DPYSL5: variants seen among roughly 807,000 people sequenced by gnomAD.
DPYSL5 encodes the protein dihydropyrimidinase like 5, also known as dihydropyrimidinase-related protein 5.
In DPYSL5, 9 loss-of-function variants were observed where a neutral mutation model predicts 58.4. The ratio of observed to expected loss-of-function variants is 0.15; its 90% CI spans 0.09 to 0.27. The LOEUF (loss-of-function observed/expected upper bound fraction) is 0.27, where lower values mean the gene tolerates loss of function less well. DPYSL5 is among the 10% of genes least tolerant of loss of function. DPYSL5 has a pLI of 1.00. For missense variants in DPYSL5, 499 were observed against 770.6 expected, an observed-to-expected ratio of 0.65 and a Z score of 4.17; for synonymous variants, 293 against 301.9, an observed-to-expected ratio of 0.97 and a Z score of 0.31.
At chr2:26,854,907 C>T (rs940395422) in intron 1 of DPYSL5, among the ~76,000 whole-genome samples, 6 of 151,928 alleles carry the variant, frequency 3.9e-5, no homozygotes, top group Non-Finnish European at 7.4e-5. Flanking sequence ...CAACCTCTGC[C>T]TCCCGGTTCA....
At chr2:26,923,291 A>G (rs1341166030) in intron 2 of DPYSL5, among the ~76,000 whole-genome samples, 2 of 152,212 alleles carry the variant, frequency 1.3e-5, no homozygotes, top group African/African-American at 4.8e-5. Flanking sequence ...TGATTGCACC[A>G]CTGTACTCCA....
In DPYSL5 at chr2:26,930,773, G is replaced by A. The variant is rs543934626; in HGVS notation, c.670-867G>A. 7.2e-5 allele frequency among the ~76,000 whole-genome samples: 11 copies of A among 152,256 alleles called. No individual in the cohort carries two copies. In the South Asian group the frequency reaches 2.3e-3, roughly 32 times the overall value. On this transcript the variant is annotated intron_variant, in intron 5 of 12. Transcript: ENST00000288699. The stretch of plus-strand genomic sequence containing the variant: ...GCAGATCACGAGGTCAGGAGATCGA[G>A]ACCATCCTGGCTAACATGGTGAAAT...
chr2:26,928,323 G>A lies in DPYSL5; in HGVS notation c.669G>A (p.Glu223=). ...PEGIEISRPE[E]LEAEATHRVI... ...GAATCGAGATCAGCCGTCCAGAGGA[G>A]GTGAGAAACACTTCCTGTAGCCTTT... The change falls in exon 5 of 13, where the codon GAG becomes GAA. Residue 223 remains glutamate (E), a splice_region_variant and synonymous_variant. Coordinates refer to ENST00000288699, the MANE Select transcript of DPYSL5 (RefSeq NM_020134.4). 6.2e-7 allele frequency: 1 copy of A among 1,613,792 alleles called. No individual in the cohort carries two copies. Among genetic ancestry groups the A allele is most frequent in the Non-Finnish European group, 8.5e-7 (1 of 1,179,854 alleles).
intron 1 of DPYSL5, among the ~76,000 whole-genome samples, chr2:26,889,463 A>G (rs1278234848): frequency 2.0e-5 from 3 of 151,740 alleles, no homozygotes; most frequent in African/African-American, 7.3e-5. Context: ...GTAGACACAC[A>G]GTTTCATCGT....
chr2:26,917,582 G>T (rs1201655992), intron 2 of DPYSL5, among the ~76,000 whole-genome samples: 1 of 152,152 alleles, frequency 6.6e-6, no homozygotes, highest in Non-Finnish European at 1.5e-5. Flanking sequence ...GGGTCAGCAT[G>T]CAAGCTGCCT....
At chr2:26,911,106 G>T (rs1172722671) in intron 2 of DPYSL5, among the ~76,000 whole-genome samples, 1 of 131,058 alleles carries the variant, frequency 7.6e-6, no homozygotes, top group Non-Finnish European at 1.6e-5. Context: ...TTTGCAAATG[G>T]CTATCCAATT....
At chr2:26,897,779 T>C (rs758312027) in intron 1 of DPYSL5, among the ~76,000 whole-genome samples, 1 of 152,208 alleles carries the variant, frequency 6.6e-6, no homozygotes, top group Non-Finnish European at 1.5e-5. Context: ...AAACTGTTGA[T>C]GCTGTGGACC....
At chr2:26,871,084 G>A (rs911822414) in intron 1 of DPYSL5, among the ~76,000 whole-genome samples, 2 of 152,222 alleles carry the variant, frequency 1.3e-5, no homozygotes, top group Non-Finnish European at 2.9e-5. Context: ...ACCATGTTCA[G>A]TGGAGTTCTT....
Position 26,942,122 on chromosome 2 carries a change from G to A in DPYSL5, c.1232+30G>A. ...AGTTTGTTGCTCGTCCCCAGGGCTA[G>A]AGGGGCTTGGGATTTTGAAGAAGAC... On this transcript the variant is annotated intron_variant, in intron 10 of 12. Coordinates refer to ENST00000288699, the MANE Select transcript of DPYSL5 (RefSeq NM_020134.4). The surrounding 1 kb of genome is among the most constrained non-coding windows in gnomAD (Gnocchi z 5.9). The A allele has an allele frequency of 6.2e-7, 1 of 1,611,856 alleles. No individual in the cohort carries two copies. Among genetic ancestry groups the A allele is most frequent in the Non-Finnish European group, 8.5e-7 (1 of 1,179,022 alleles).
chr2:26,849,212 G>A lies in DPYSL5; in HGVS notation c.-5+958G>A, dbSNP rs1304530372. 1.3e-5 allele frequency among the ~76,000 whole-genome samples: 2 copies of A among 151,952 alleles called. No homozygotes were observed. Among genetic ancestry groups the A allele is most frequent in the Non-Finnish European group, 2.9e-5 (2 of 67,950 alleles). On this transcript the variant is annotated intron_variant, in intron 1 of 12. Transcript: ENST00000288699. The surrounding 1 kb of genome is among the most constrained non-coding windows in gnomAD (Gnocchi z 6.2). Reference sequence around the variant, plus strand: ...GGTGGCGCCCGGCGAGGCTGGTTCTGCTGAAGAATGGGGAGGGGAGGAGGG... The same window carrying A: ...GGTGGCGCCCGGCGAGGCTGGTTCTACTGAAGAATGGGGAGGGGAGGAGGG...
chr2:26,900,372 A>G (rs1430728533), intron 2 of DPYSL5, among the ~76,000 whole-genome samples: 1 of 152,264 alleles, frequency 6.6e-6, no homozygotes, highest in African/African-American at 2.4e-5. Flanking sequence ...ATGAAGCAGT[A>G]TGTACCTTCG....
chr2:26,878,642 C>A, intron 1 of DPYSL5, among the ~76,000 whole-genome samples: 1 of 152,120 alleles, frequency 6.6e-6, no homozygotes, highest in South Asian at 2.1e-4. Flanking sequence ...ATGTAGAATG[C>A]AAATGTACTG....
intron 1 of DPYSL5, among the ~76,000 whole-genome samples, chr2:26,884,292 C>T (rs1384610187): frequency 1.3e-5 from 2 of 152,130 alleles, no homozygotes; most frequent in African/African-American, 4.8e-5. Context: ...GTCCTTCTTC[C>T]AGGACCTGCG....
intron 1 of DPYSL5, among the ~76,000 whole-genome samples, chr2:26,895,849 C>T (rs1005868791): frequency 6.4e-5 from 9 of 141,682 alleles, no homozygotes; most frequent in African/African-American, 2.1e-4. Context: ...GGCATGATCT[C>T]GGCTTACTGC....
rs531786188 is a variant in DPYSL5, at chr2:26,905,534, G to A, written c.261+6774G>A. ...CCCTGGCAGGCCTTCTCTGGGAATC[G>A]GCCCTCACCTCCCAGCTCGTTTTCC... On this transcript the variant is annotated intron_variant, in intron 2 of 12. Coordinates refer to ENST00000288699, the MANE Select transcript of DPYSL5 (RefSeq NM_020134.4). This position sits in a 1 kb window ranked among gnomAD's most constrained non-coding sequence, Gnocchi z 4.0. Among the ~76,000 whole-genome samples the A allele has an allele frequency of 6.7e-4, 102 of 152,204 alleles. No individual in the cohort carries two copies. The highest frequency in any genetic ancestry group is 2.4e-3 in the African/African-American group (99 of 41,528).
intron 2 of DPYSL5, among the ~76,000 whole-genome samples, chr2:26,903,857 T>C (rs758845146): frequency 5.9e-5 from 9 of 152,234 alleles, no homozygotes; most frequent in Non-Finnish European, 1.3e-4. Context: ...TCTGTACCTA[T>C]GGCAATCGTC....
chr2:26,867,447 T>C (rs531945833), intron 1 of DPYSL5, among the ~76,000 whole-genome samples: 1 of 147,040 alleles, frequency 6.8e-6, no homozygotes, highest in African/African-American at 2.5e-5. Context: ...TTGTTTGTTT[T>C]TTTTTTTGTT....
At chr2:26,901,794 C>T (rs369341205) in intron 2 of DPYSL5, among the ~76,000 whole-genome samples, 36 of 140,462 alleles carry the variant, frequency 2.6e-4, no homozygotes, top group African/African-American at 7.2e-4. Context: ...CCCCAGCTAG[C>T]GTCTGCTTGT....
rs1171687737 is a variant in DPYSL5 at position 26,898,316 on chromosome 2, C to T, written c.-4-180C>T. 6.6e-6 allele frequency among the ~76,000 whole-genome samples: 1 copy of T among 152,110 alleles called. No homozygotes were observed. The highest frequency in any genetic ancestry group is 1.5e-5 in the Non-Finnish European group (1 of 68,002). ...CCTTACTGCAGCTGTGTCCTGATTC[C>T]TAATAAGTCCCTCTGGGAAGCCAGT... On this transcript the variant is annotated intron_variant, in intron 1 of 12. Transcript: ENST00000288699. This position sits in a 1 kb window ranked among gnomAD's most constrained non-coding sequence, Gnocchi z 6.1.
Sources: allele counts gnomAD v4.1 joint callset (sites outside exome capture counted in the v4.1 genomes callset), GRCh38; gene constraint gnomAD v4.1.1; non-coding constraint Gnocchi (gnomAD v3.1); transcripts MANE v1.5; gene names NCBI Gene and HGNC (gene_info 2026-07-23, HGNC 2026-07-21).